The following GRB10 variants were observed in gnomAD, a reference collection of about 807,000 sequenced individuals.
The protein encoded by GRB10 is growth factor receptor-bound protein 10.
In GRB10, 20 loss-of-function variants were observed where a neutral mutation model predicts 80.9. The ratio of observed to expected loss-of-function variants is 0.25; its 90% confidence interval spans 0.17 to 0.36. The LOEUF is 0.36. GRB10 is among the 10% of genes least tolerant of loss of function. The pLI is 1.00. For synonymous variants in GRB10, 291 were observed against 291.5 expected (o/e 1.00, Z 0.02); for missense variants, 548 against 747.7 (o/e 0.73, Z 3.12).
At chr7:50,690,266 A>C (rs2062641519) in intron 5 of GRB10, among the ~76,000 whole-genome samples, 1 of 152,012 alleles carries the variant, frequency 6.6e-6, no homozygotes, top group African/African-American at 2.4e-5. Flanking sequence ...ACTGCACTCC[A>C]GCCTGGGCAA....
chr7:50,641,897 G>A (rs769208859), intron 7 of GRB10, among the ~76,000 whole-genome samples: 1 of 152,200 alleles, frequency 6.6e-6, no homozygotes, highest in Non-Finnish European at 1.5e-5. Flanking sequence ...CGCCGAGGAG[G>A]CAAGGGCGTG....
intron 2 of GRB10, among the ~76,000 whole-genome samples, chr7:50,757,162 C>T (rs1201563983): frequency 6.6e-6 from 1 of 152,162 alleles, no homozygotes. Flanking sequence ...ATCCAGGCAC[C>T]AGAGAGTCTT....
At chr7:50,777,016 T>A (rs1427194410) in intron 2 of GRB10, among the ~76,000 whole-genome samples, 2 of 130,684 alleles carry the variant, frequency 1.5e-5, no homozygotes, top group Non-Finnish European at 1.6e-5. Context: ...GTATTTGCTA[T>A]AACAACACCC....
chr7:50,683,939 A>G (rs965841627), intron 5 of GRB10, among the ~76,000 whole-genome samples: 1 of 152,186 alleles, frequency 6.6e-6, no homozygotes, highest in African/African-American at 2.4e-5. Context: ...TTCCTAAGTT[A>G]CACTAAACAT....
At position 50,592,812 on chromosome 7, in the gene GRB10, T is replaced by C; in HGVS notation, c.*140A>G. On this transcript the variant is annotated 3_prime_UTR_variant, in exon 19 of 19. Transcript: ENST00000401949. ...TTAAGTCCAACAAACTAGTCAATCT[T>C]GGTCGGCTGGCACCGAACAAACCCA... is the stretch of plus-strand genomic sequence containing the variant. 3.0e-6 allele frequency: 3 copies of C among 985,630 alleles called. No homozygotes were observed. The highest frequency in any genetic ancestry group is 4.8e-6 in the Non-Finnish European group (3 of 630,066). 61.1% of individuals were successfully genotyped at this position (985,630 alleles called of 1,614,324 possible).
intron 7 of GRB10, among the ~76,000 whole-genome samples, chr7:50,661,161 T>C (rs6960050): frequency 0.028 from 4,197 of 152,338 alleles, 89 homozygotes; most frequent in South Asian, 0.052. Context: ...TGAAACAACC[T>C]GCACTGGGAG....
intron 5 of GRB10, among the ~76,000 whole-genome samples, chr7:50,689,184 C>G (rs1016842477): frequency 1.3e-5 from 2 of 152,200 alleles, no homozygotes; most frequent in Non-Finnish European, 2.9e-5. Context: ...GCTGATCCCC[C>G]CCATCAGTAG....
intron 4 of GRB10, among the ~76,000 whole-genome samples, chr7:50,708,429 G>A (rs2065333749): frequency 6.6e-6 from 1 of 152,172 alleles, no homozygotes; most frequent in Non-Finnish European, 1.5e-5. Flanking sequence ...TAGCCACTGT[G>A]GCACTAAAGA....
intron 5 of GRB10, among the ~76,000 whole-genome samples, chr7:50,680,269 A>G (rs1563415860): frequency 6.6e-6 from 1 of 152,356 alleles, no homozygotes; most frequent in East Asian, 1.9e-4. Flanking sequence ...ACCTAGAAAG[A>G]GCTACACAGT....
At chr7:50,747,306 C>T (rs903615130) in intron 3 of GRB10, among the ~76,000 whole-genome samples, 1 of 152,130 alleles carries the variant, frequency 6.6e-6, no homozygotes, top group Non-Finnish European at 1.5e-5. Context: ...GGAGGAAACC[C>T]GCGAAGCAGA....
intron 7 of GRB10, among the ~76,000 whole-genome samples, chr7:50,651,919 C>T (rs563101702): frequency 2.8e-4 from 43 of 152,338 alleles, no homozygotes; most frequent in African/African-American, 9.9e-4. Context: ...CCATCCAACC[C>T]AACCTCTTGG....
At chr7:50,725,401 C>T (rs983390954) in intron 4 of GRB10, among the ~76,000 whole-genome samples, 2 of 152,190 alleles carry the variant, frequency 1.3e-5, no homozygotes, top group African/African-American at 2.4e-5. Flanking sequence ...GTCAATTAAA[C>T]CTCATTTCTT....
intron 7 of GRB10, among the ~76,000 whole-genome samples, chr7:50,638,838 C>T (rs754997718): frequency 3.3e-5 from 5 of 152,114 alleles, no homozygotes; most frequent in Non-Finnish European, 7.4e-5. Flanking sequence ...ATAGAATCAA[C>T]CTAAATGTCT....
rs771383270 is a variant in GRB10, at chr7:50,674,593, C to A, written c.205G>T (p.Ala69Ser). 6.2e-7 allele frequency: 1 copy of A among 1,613,558 alleles called. No homozygotes were observed. The highest frequency in any genetic ancestry group is 1.7e-4 in the Middle Eastern group (1 of 6,060). Residue 69 changes from alanine to serine, a missense_variant, in exon 6 of 19, where the codon GCC (alanine) becomes TCC (serine). Physicochemically the swap from Ala to Ser is moderately conservative, Grantham distance 99 (BLOSUM62 1). Transcript: ENST00000401949. ...ACCGTGTCTGACTGCATGCTGCAGG[C>A]CGAGTACAGGCTCTCCAGGGATGCA... ...MNASLESLYS[A>S]CSMQSDTVPL...
rs568350865 is a variant in GRB10, at chr7:50,683,474, C to T, written c.140-8816G>A. Reference sequence around the variant, plus strand: ...AGGATGGGCTGGGAGCAGTGGCTCACGCCTGTAATCCCAGCACTTTGGGAG... The same window carrying T: ...AGGATGGGCTGGGAGCAGTGGCTCATGCCTGTAATCCCAGCACTTTGGGAG... On this transcript the variant is annotated intron_variant, in intron 5 of 18. Coordinates refer to ENST00000401949, the MANE Select transcript of GRB10 (RefSeq NM_001350814.2). Among the ~76,000 whole-genome samples the T allele has an allele frequency of 8.5e-5, 13 of 152,332 alleles. No individual in the cohort carries two copies. The South Asian group carries it at 2.5e-3, about 29-fold the overall frequency.
At chr7:50,716,658 G>A (rs930302393) in intron 4 of GRB10, among the ~76,000 whole-genome samples, 1 of 152,158 alleles carries the variant, frequency 6.6e-6, no homozygotes, top group African/African-American at 2.4e-5. Context: ...CCCTACAGAT[G>A]AAAAATGCAA....
Position 50,724,442 on chromosome 7 carries a change from C to G in GRB10, c.51+7830G>C, listed in dbSNP as rs549246643. Among the ~76,000 whole-genome samples, 4 of 152,344 alleles carry G rather than the reference C, an allele frequency of 2.6e-5. No individual in the cohort carries two copies. The East Asian group carries it at 7.7e-4, about 29-fold the overall frequency. ...CTCTAAACACATTTTCTCAATGTCT[C>G]TACTTATCATGAACTGGAAATAAAC... On this transcript the variant is annotated intron_variant, in intron 4 of 18. Transcript: ENST00000401949.
chr7:50,792,786 C>A (rs1329334730), intron 1 of GRB10: 1 of 186,362 alleles, frequency 5.4e-6, no homozygotes, highest in African/African-American at 2.4e-5. Context: ...GCTGCAGGGA[C>A]GCCTGGGCGC....
chr7:50,692,011 A>G (rs944662110), intron 5 of GRB10, among the ~76,000 whole-genome samples: 17 of 152,234 alleles, frequency 1.1e-4, no homozygotes, highest in African/African-American at 4.1e-4. Context: ...CACAGATTTA[A>G]CCAATTGAAG....
Sources: gnomAD v4.1 joint callset for allele counts (sites outside exome capture counted in the v4.1 genomes callset) on GRCh38, gnomAD v4.1.1 for gene constraint, MANE v1.5 for transcripts, NCBI Gene and HGNC (gene_info 2026-07-23, HGNC 2026-07-21) for gene names.